Variants in NEK11 observed in about 807,000 individuals in gnomAD.
NEK11 encodes NIMA related kinase 11, also known as serine/threonine-protein kinase Nek11.
A neutral mutation model predicts 80.7 loss-of-function variants in NEK11; 72 were observed. The observed-to-expected ratio is 0.89, with a 90% CI of 0.74 to 1.08. The LOEUF (loss-of-function observed/expected upper bound fraction) is 1.08. Ranked by LOEUF, NEK11 falls within the 50% of genes least tolerant of loss-of-function variation. NEK11 has a pLI of 0.00. For missense variants in NEK11, 764 were observed against 763.6 expected, an observed-to-expected ratio of 1.00 and a Z score of -0.01; for synonymous variants, 251 against 260.7, an observed-to-expected ratio of 0.96 and a Z score of 0.36.
chr3:131,334,673 C>A (rs1054706637), intron 17 of NEK11, among the ~76,000 whole-genome samples: 5 of 151,922 alleles, frequency 3.3e-5, no homozygotes, highest in African/African-American at 1.2e-4. Flanking sequence ...ATTAATGAAT[C>A]CAGGAGCTGG....
intron 17 of NEK11, among the ~76,000 whole-genome samples, chr3:131,298,659 A>G (rs2096627311): frequency 6.7e-6 from 1 of 149,796 alleles, no homozygotes; most frequent in Non-Finnish European, 1.5e-5. Context: ...TTTACCTTTG[A>G]TTTTCTGTAG....
chr3:131,322,807 A>C (rs1554013452), intron 17 of NEK11, among the ~76,000 whole-genome samples: 1 of 152,172 alleles, frequency 6.6e-6, no homozygotes, highest in Admixed American at 6.5e-5. Flanking sequence ...CATACTGAGC[A>C]CTGATGAAGA....
intron 17 of NEK11, among the ~76,000 whole-genome samples, chr3:131,306,821 G>C (rs2096728352): frequency 6.6e-6 from 1 of 152,104 alleles, no homozygotes; most frequent in Non-Finnish European, 1.5e-5. Flanking sequence ...TGTATAACTG[G>C]GTTTACCTGG....
At position 131,349,569 on chromosome 3, in the gene NEK11, G is replaced by C. The variant is rs1481070508; in HGVS notation, c.1731G>C (p.Gln577His). The C allele has an allele frequency of 6.2e-7, 1 of 1,613,702 alleles. No homozygotes were observed. Among genetic ancestry groups the C allele is most frequent in the African/African-American group, 1.3e-5 (1 of 74,912 alleles). Residue 577 changes from glutamine (Q) to histidine (H), a missense_variant, in exon 18 of 18, where the codon CAG becomes CAC. By Grantham distance (24) the Gln-to-His change is conservative. Transcript: ENST00000383366. Reference sequence around the variant, plus strand: ...ACTTTTTTGACAGATCAGCCATGCAGAAGCTGGGGACAGAAGTATTTGAAG... The same window carrying C: ...ACTTTTTTGACAGATCAGCCATGCACAAGCTGGGGACAGAAGTATTTGAAG... ...KMKRMRESAM[Q>H]KLGTEVFEEV...
At chr3:131,142,380 G>A (rs2087123243) in intron 7 of NEK11, among the ~76,000 whole-genome samples, 1 of 152,162 alleles carries the variant, frequency 6.6e-6, no homozygotes, top group Non-Finnish European at 1.5e-5. Context: ...GAGGGAGATA[G>A]GTAGGTCTTC....
chr3:131,312,381 A>C (rs775626876), intron 17 of NEK11, among the ~76,000 whole-genome samples: 2 of 152,110 alleles, frequency 1.3e-5, no homozygotes, highest in Non-Finnish European at 1.5e-5. Context: ...GCAATGGGGG[A>C]GTGAGGGTGG....
chr3:131,115,964 T>TTCTTTC (rs1553878586), intron 5 of NEK11, among the ~76,000 whole-genome samples: 5 of 145,138 alleles, frequency 3.4e-5, no homozygotes, highest in African/African-American at 7.8e-5. Context: ...CTTTCTTTCT[T>TTCTTTC]TCTTTCTTTC....
intron 17 of NEK11, among the ~76,000 whole-genome samples, chr3:131,315,364 T>G (rs79523748): frequency 0.048 from 7,234 of 152,192 alleles, 243 homozygotes; most frequent in East Asian, 0.18. Context: ...TGCAGTATTT[T>G]TCTTTCTGTG....
At chr3:131,283,280 A>T (rs1393785486) in intron 17 of NEK11, among the ~76,000 whole-genome samples, 1 of 152,194 alleles carries the variant, frequency 6.6e-6, no homozygotes, top group African/African-American at 2.4e-5. Flanking sequence ...TGTACCTGGC[A>T]TCATGCTCTG....
At chr3:131,328,189 C>T (rs111861537) in intron 17 of NEK11, among the ~76,000 whole-genome samples, 1 of 152,032 alleles carries the variant, frequency 6.6e-6, no homozygotes, top group African/African-American at 2.4e-5. Context: ...ATTCTACAGA[C>T]TGAGGTGGGA....
At chr3:131,076,861 A>T (rs576149964) in intron 3 of NEK11, among the ~76,000 whole-genome samples, 1 of 152,226 alleles carries the variant, frequency 6.6e-6, no homozygotes, top group Non-Finnish European at 1.5e-5. Context: ...AACTCAAAAG[A>T]CATGTGTTTG....
chr3:131,193,140 C>G (rs1444879400), intron 14 of NEK11, among the ~76,000 whole-genome samples: 1 of 152,018 alleles, frequency 6.6e-6, no homozygotes, highest in Non-Finnish European at 1.5e-5. Context: ...TGAAAGTTAA[C>G]CATGTTTTCC....
chr3:131,031,098 A>T (rs957977299), intron 3 of NEK11, among the ~76,000 whole-genome samples: 2 of 152,202 alleles, frequency 1.3e-5, no homozygotes, highest in African/African-American at 4.8e-5. Flanking sequence ...ACACTTTTCT[A>T]CATCTTCATA....
intron 7 of NEK11, among the ~76,000 whole-genome samples, chr3:131,139,500 T>A (rs942495591): frequency 2.6e-5 from 4 of 152,036 alleles, no homozygotes; most frequent in Non-Finnish European, 5.9e-5. Context: ...ACAGAGAACT[T>A]CCTGAATCTA....
At chr3:131,236,083 G>T (rs1353420777) in intron 15 of NEK11, among the ~76,000 whole-genome samples, 1 of 152,196 alleles carries the variant, frequency 6.6e-6, no homozygotes, top group East Asian at 1.9e-4. Context: ...AAACAACTGT[G>T]TATCACAATG....
At chr3:131,263,023 A>T (rs1341116949) in intron 16 of NEK11, among the ~76,000 whole-genome samples, 1 of 152,132 alleles carries the variant, frequency 6.6e-6, no homozygotes, top group Non-Finnish European at 1.5e-5. Context: ...ATAGTATTCC[A>T]TGGCATATAT....
chr3:131,201,978 G>A (rs796564903), intron 14 of NEK11, among the ~76,000 whole-genome samples: 11 of 152,206 alleles, frequency 7.2e-5, no homozygotes, highest in African/African-American at 2.4e-4. Flanking sequence ...GGGATTGTAG[G>A]TGTGCACAAC....
chr3:131,040,520 C>G (rs987391187), intron 3 of NEK11, among the ~76,000 whole-genome samples: 1 of 152,104 alleles, frequency 6.6e-6, no homozygotes, highest in Non-Finnish European at 1.5e-5. Context: ...AAGCAAAAAC[C>G]CTGTACCATG....
chr3:131,178,145 A>G (rs1162086880), intron 14 of NEK11, among the ~76,000 whole-genome samples: 1 of 152,218 alleles, frequency 6.6e-6, no homozygotes, highest in Non-Finnish European at 1.5e-5. Context: ...TTATGAATGG[A>G]GCTTGCAGGA....
Sources: gnomAD v4.1 joint callset for allele counts (sites outside exome capture counted in the v4.1 genomes callset) on GRCh38, gnomAD v4.1.1 for gene constraint, MANE v1.5 for transcripts, NCBI Gene and HGNC (gene_info 2026-07-23, HGNC 2026-07-21) for gene names.